CDKAL1: variants seen among roughly 807,000 people sequenced by gnomAD.
CDKAL1 encodes CDKAL1 threonylcarbamoyladenosine tRNA methylthiotransferase, also known as threonylcarbamoyladenosine tRNA methylthiotransferase.
CDKAL1 carries 32 observed loss-of-function variants against 68.2 expected under a neutral mutation model. The observed-to-expected ratio is 0.47, with a 90% CI of 0.35 to 0.63. CDKAL1 has a LOEUF of 0.63. CDKAL1 is among the 30% of genes least tolerant of loss of function. CDKAL1 has a pLI of 0.00. For synonymous variants in CDKAL1, 234 were observed against 244.3 expected (o/e 0.96, Z 0.39); for missense variants, 606 against 696.7 (o/e 0.87, Z 1.47).
chr6:21,201,801 C>T (rs1778702849), intron 15 of CDKAL1, among the ~76,000 whole-genome samples: 1 of 151,840 alleles, frequency 6.6e-6, no homozygotes, highest in South Asian at 2.1e-4. Context: ...GTAACCTGAC[C>T]CCTATTTTAT....
intron 8 of CDKAL1, among the ~76,000 whole-genome samples, chr6:20,837,153 T>C (rs982633533): frequency 1.3e-5 from 2 of 152,228 alleles, no homozygotes; most frequent in African/African-American, 2.4e-5. Context: ...CATTTCACTT[T>C]AAAACATGTC....
At position 20,846,163 on chromosome 6, in the gene CDKAL1, A is replaced by G; in HGVS notation, c.727A>G (p.Lys243Glu). 6.2e-7 allele frequency: 1 copy of G among 1,603,338 alleles called. No individual in the cohort carries two copies. The highest frequency in any genetic ancestry group is 8.5e-7 in the Non-Finnish European group (1 of 1,171,806). The change falls in exon 9 of 16, where the codon AAA becomes GAA. Residue 243 changes from lysine (K) to glutamate (E), a missense_variant. Transcript: ENST00000274695. ...AATTGATGAACTAGTAGATAGAGCC[A>G]AACAATCTTTTCAAGGTAAGAGTTT... The part of the protein sequence containing the change: ...YPIDELVDRA[K>E]QSFQEGVCEI...
At chr6:21,155,322 G>A (rs755470119) in intron 13 of CDKAL1, among the ~76,000 whole-genome samples, 6 of 152,130 alleles carry the variant, frequency 3.9e-5, no homozygotes, top group Non-Finnish European at 8.8e-5. Flanking sequence ...GCTTTAAGAA[G>A]CTGCTGCATT....
chr6:20,576,665 C>G (rs1402349891), intron 4 of CDKAL1, among the ~76,000 whole-genome samples: 1 of 152,168 alleles, frequency 6.6e-6, no homozygotes, highest in Non-Finnish European at 1.5e-5. Flanking sequence ...CCTTCTGTTT[C>G]CCCATGTTCC....
At chr6:21,100,396 G>A (rs9366377) in intron 12 of CDKAL1, among the ~76,000 whole-genome samples, 31,730 of 152,110 alleles carry the variant, frequency 0.21, 3,464 homozygotes, top group East Asian at 0.25. Flanking sequence ...CAGCACTTGG[G>A]TATGTGAGAA....
At chr6:20,804,671 C>T (rs1457053318) in intron 8 of CDKAL1, among the ~76,000 whole-genome samples, 1 of 152,102 alleles carries the variant, frequency 6.6e-6, no homozygotes, top group African/African-American at 2.4e-5. Flanking sequence ...CTGCAGCAGA[C>T]AGTATCTATG....
intron 5 of CDKAL1, among the ~76,000 whole-genome samples, chr6:20,705,659 T>A (rs1245960510): frequency 6.6e-6 from 1 of 152,194 alleles, no homozygotes. Context: ...ACATTTTTAC[T>A]CAGGAGAACC....
At chr6:21,063,550 G>A (rs974943687) in intron 11 of CDKAL1, among the ~76,000 whole-genome samples, 3 of 152,144 alleles carry the variant, frequency 2.0e-5, no homozygotes, top group Non-Finnish European at 2.9e-5. Flanking sequence ...AGTCTCAACC[G>A]TGAATGAGAG....
At chr6:20,873,658 T>G (rs1020371438) in intron 9 of CDKAL1, among the ~76,000 whole-genome samples, 5 of 152,188 alleles carry the variant, frequency 3.3e-5, no homozygotes, top group Non-Finnish European at 7.3e-5. Context: ...CCATTAGAGA[T>G]ACTTGCAGGA....
chr6:20,694,042 T>TTGTGTG (rs1231271309), intron 5 of CDKAL1, among the ~76,000 whole-genome samples: 1,312 of 114,336 alleles, frequency 0.011, 23 homozygotes, highest in African/African-American at 0.053. Flanking sequence ...CCGGCTAACT[T>TTGTGTG]TGTGTGTGTG....
At chr6:20,659,575 T>C (rs6456368) in intron 5 of CDKAL1, among the ~76,000 whole-genome samples, 60,204 of 152,040 alleles carry the variant, frequency 0.4, 13,048 homozygotes, top group African/African-American at 0.58. Context: ...CATTTTCCTA[T>C]CATTTGTCAT....
At chr6:20,632,468 A>G (rs749164397) in intron 4 of CDKAL1, among the ~76,000 whole-genome samples, 4 of 152,234 alleles carry the variant, frequency 2.6e-5, no homozygotes, top group Non-Finnish European at 5.9e-5. Flanking sequence ...TCTTTGCTTC[A>G]GAGAATGAAA....
intron 11 of CDKAL1, among the ~76,000 whole-genome samples, chr6:21,032,205 G>C (rs1437019587): frequency 6.6e-6 from 1 of 152,056 alleles, no homozygotes; most frequent in East Asian, 1.9e-4. Flanking sequence ...GTTGGGATTG[G>C]GGTGTCTGCG....
chr6:20,895,979 G>A (rs541154528), intron 9 of CDKAL1, among the ~76,000 whole-genome samples: 1 of 151,662 alleles, frequency 6.6e-6, no homozygotes, highest in Non-Finnish European at 1.5e-5. Flanking sequence ...TTAGGAATAT[G>A]TAAAACAAAC....
intron 9 of CDKAL1, among the ~76,000 whole-genome samples, chr6:20,922,510 G>T (rs1763003351): frequency 6.6e-6 from 1 of 152,172 alleles, no homozygotes; most frequent in Non-Finnish European, 1.5e-5. Flanking sequence ...ACGTGTATGG[G>T]TGTGTGTACT....
At chr6:21,102,797 A>T (rs908048953) in intron 12 of CDKAL1, among the ~76,000 whole-genome samples, 1 of 151,818 alleles carries the variant, frequency 6.6e-6, no homozygotes, top group African/African-American at 2.4e-5. Context: ...CTCCTGCGTG[A>T]CTCTATTCTG....
chr6:21,097,067 T>G (rs1421622916), intron 12 of CDKAL1, among the ~76,000 whole-genome samples: 2 of 152,230 alleles, frequency 1.3e-5, no homozygotes, highest in Non-Finnish European at 2.9e-5. Context: ...TAAGCCCTAT[T>G]TGCTTTGCTT....
intron 10 of CDKAL1, among the ~76,000 whole-genome samples, chr6:20,972,537 CT>C (rs1765647438): frequency 6.6e-6 from 1 of 152,216 alleles, no homozygotes. Flanking sequence ...GGATAAACAA[CT>C]TATTTTCATT....
intron 10 of CDKAL1, among the ~76,000 whole-genome samples, chr6:20,970,984 G>T (rs961985341): frequency 1.3e-5 from 2 of 152,126 alleles, no homozygotes; most frequent in African/African-American, 4.8e-5. Flanking sequence ...GAGTAGCTGG[G>T]ACTACAGGCA....
Sources: allele counts gnomAD v4.1 joint callset (sites outside exome capture counted in the v4.1 genomes callset), GRCh38; gene constraint gnomAD v4.1.1; transcripts MANE v1.5; gene names NCBI Gene and HGNC (gene_info 2026-07-23, HGNC 2026-07-21).